The following FSTL5 variants were observed in gnomAD, a reference collection of about 807,000 sequenced individuals.
FSTL5 encodes the protein follistatin like 5.
In FSTL5, 62 loss-of-function variants were observed where a neutral mutation model predicts 89.1. That is an observed-to-expected ratio of 0.70 (90% CI 0.57 to 0.86). The LOEUF (loss-of-function observed/expected upper bound fraction) is 0.86, where lower values mean the gene tolerates loss of function less well. FSTL5 is among the 40% of genes least tolerant of loss of function. FSTL5 has a pLI of 0.00. For synonymous variants in FSTL5, 383 were observed against 346.2 expected (o/e 1.11, Z -1.18); for missense variants, 1,057 against 1,001.6 (o/e 1.06, Z -0.75).
intron 4 of FSTL5, among the ~76,000 whole-genome samples, chr4:161,785,586 G>A (rs979114678): frequency 2.6e-5 from 4 of 152,146 alleles, no homozygotes; most frequent in African/African-American, 9.7e-5. Flanking sequence ...ATAAACGACA[G>A]TCATAGAGAA....
chr4:161,915,333 T>G (rs1733808293), intron 4 of FSTL5, among the ~76,000 whole-genome samples: 2 of 150,478 alleles, frequency 1.3e-5, no homozygotes, highest in Non-Finnish European at 3.0e-5. Context: ...CTTCTCTTCC[T>G]CTCCATTTGT....
At chr4:161,516,741 ACACACAC>A (rs1730855705) in intron 10 of FSTL5, among the ~76,000 whole-genome samples, 1 of 149,648 alleles carries the variant, frequency 6.7e-6, no homozygotes, top group African/African-American at 2.5e-5. Context: ...ACACACACAC[ACACACAC>A]ACACACACAC....
chr4:162,115,533 G>A (rs1731603728), intron 1 of FSTL5, among the ~76,000 whole-genome samples: 1 of 152,114 alleles, frequency 6.6e-6, no homozygotes, highest in South Asian at 2.1e-4. Context: ...ACACTGAAAA[G>A]CACGTGACTA....
At chr4:161,651,077 T>C (rs1398617220) in intron 7 of FSTL5, among the ~76,000 whole-genome samples, 1 of 152,132 alleles carries the variant, frequency 6.6e-6, no homozygotes, top group East Asian at 1.9e-4. Flanking sequence ...CTCAATACTC[T>C]ATATTTGTCT....
rs904981709 is a variant in FSTL5, at chr4:162,033,805, T to A, written c.127-147A>T. The A allele has an allele frequency of 5.6e-6, 3 of 531,144 alleles. No homozygotes were observed. In the African/African-American group the frequency reaches 5.9e-5, roughly 10 times the overall value. 32.9% of individuals were successfully genotyped at this position (531,144 alleles called of 1,614,324 possible). ...CTCGCCTTTAAAAAATATTTACATA[T>A]AATTTTTTTTTGAGAGAGCATTTTG... On this transcript the variant is annotated intron_variant, in intron 2 of 15. Coordinates refer to ENST00000306100, the MANE Select transcript of FSTL5 (RefSeq NM_020116.5).
chr4:161,613,051 G>A (rs764554012), intron 7 of FSTL5, among the ~76,000 whole-genome samples: 3 of 152,102 alleles, frequency 2.0e-5, no homozygotes, highest in Non-Finnish European at 2.9e-5. Flanking sequence ...ACCTCAGAGG[G>A]TGGCTAATAT....
chr4:162,079,704 T>G (rs1035388878), intron 2 of FSTL5, among the ~76,000 whole-genome samples: 4 of 151,284 alleles, frequency 2.6e-5, no homozygotes, highest in Admixed American at 6.6e-5. Flanking sequence ...ATAATGAGAA[T>G]AGGAGAAGGA....
chr4:161,904,660 A>C (rs948891429), intron 4 of FSTL5, among the ~76,000 whole-genome samples: 2 of 151,840 alleles, frequency 1.3e-5, no homozygotes, highest in African/African-American at 4.8e-5. Flanking sequence ...ATAATCCCCC[A>C]AAATATGTAA....
intron 6 of FSTL5, among the ~76,000 whole-genome samples, chr4:161,695,212 C>T (rs898512021): frequency 6.6e-6 from 1 of 152,024 alleles, no homozygotes; most frequent in Non-Finnish European, 1.5e-5. Flanking sequence ...ACTCCCTTCC[C>T]AGCCTTTCCC....
chr4:161,933,094 G>C (rs1234848349), intron 3 of FSTL5, among the ~76,000 whole-genome samples: 1 of 151,924 alleles, frequency 6.6e-6, no homozygotes, highest in Non-Finnish European at 1.5e-5. Flanking sequence ...CTATTTTACT[G>C]TCCATTTTAC....
chr4:161,456,884 CTCT>C (rs1205558400), intron 14 of FSTL5, among the ~76,000 whole-genome samples: 25 of 152,250 alleles, frequency 1.6e-4, no homozygotes, highest in Admixed American at 3.3e-4. Context: ...AATTGACCTA[CTCT>C]TCTTCTTCCA....
intron 2 of FSTL5, among the ~76,000 whole-genome samples, chr4:162,102,049 G>C (rs1179735210): frequency 2.0e-5 from 3 of 152,026 alleles, no homozygotes; most frequent in Non-Finnish European, 4.4e-5. Context: ...TTTTTGAATA[G>C]GTGGAAGCAC....
At chr4:162,038,597 A>G (rs1443305861) in intron 2 of FSTL5, among the ~76,000 whole-genome samples, 3 of 151,838 alleles carry the variant, frequency 2.0e-5, no homozygotes, top group Non-Finnish European at 4.4e-5. Flanking sequence ...CCATGTTGCT[A>G]GTCTTTTAAC....
chr4:161,655,599 A>G (rs1271891022), intron 7 of FSTL5, among the ~76,000 whole-genome samples: 2 of 152,192 alleles, frequency 1.3e-5, no homozygotes, highest in Admixed American at 1.3e-4. Context: ...ATATATGCAC[A>G]TGTTAGAAAT....
chr4:161,606,510 A>C (rs1578961708), intron 7 of FSTL5, among the ~76,000 whole-genome samples: 1 of 152,020 alleles, frequency 6.6e-6, no homozygotes, highest in African/African-American at 2.4e-5. Context: ...GATTACAGGC[A>C]TGAGCCACCG....
At chr4:161,867,489 C>A (rs1732130343) in intron 4 of FSTL5, among the ~76,000 whole-genome samples, 1 of 151,552 alleles carries the variant, frequency 6.6e-6, no homozygotes, top group Non-Finnish European at 1.5e-5. Flanking sequence ...AACTTTAGAC[C>A]TAATAAAATA....
At chr4:161,769,966 G>A (rs925621885) in intron 5 of FSTL5, among the ~76,000 whole-genome samples, 1 of 151,836 alleles carries the variant, frequency 6.6e-6, no homozygotes, top group Admixed American at 6.6e-5. Flanking sequence ...CAACATAAGT[G>A]TTTATCAACA....
chr4:162,130,156 A>G (rs1422302752), intron 1 of FSTL5, among the ~76,000 whole-genome samples: 1 of 152,144 alleles, frequency 6.6e-6, no homozygotes, highest in African/African-American at 2.4e-5. Context: ...AGAGTTTAGG[A>G]AAAAAATCAT....
At chr4:161,927,264 A>C (rs1268587247) in intron 3 of FSTL5, among the ~76,000 whole-genome samples, 1 of 151,754 alleles carries the variant, frequency 6.6e-6, no homozygotes, top group Non-Finnish European at 1.5e-5. Context: ...AAGACTTAAA[A>C]TATTTCAGGC....
Sources: allele counts gnomAD v4.1 joint callset (sites outside exome capture counted in the v4.1 genomes callset), GRCh38; gene constraint gnomAD v4.1.1; transcripts MANE v1.5; gene names NCBI Gene and HGNC (gene_info 2026-07-23, HGNC 2026-07-21).